Variants in PRKG1 observed in about 807,000 individuals in gnomAD.
PRKG1 encodes cGMP-dependent protein kinase 1.
A neutral mutation model predicts 88.1 loss-of-function variants in PRKG1; 35 were observed. The observed-to-expected ratio is 0.40, with a 90% CI of 0.30 to 0.53. PRKG1 has a LOEUF of 0.53. Ranked by LOEUF, PRKG1 falls within the 20% of genes least tolerant of loss-of-function variation. PRKG1 has a pLI of 0.59. For missense variants in PRKG1, 540 were observed against 839.8 expected, an observed-to-expected ratio of 0.64 and a Z score of 4.41; for synonymous variants, 303 against 292.5, an observed-to-expected ratio of 1.04 and a Z score of -0.37.
chr10:51,019,280 G>T (rs899171015), intron 1 of PRKG1, among the ~76,000 whole-genome samples: 1 of 152,122 alleles, frequency 6.6e-6, no homozygotes, highest in Non-Finnish European at 1.5e-5. Context: ...AAACAATGTG[G>T]TACTGGCATA....
rs535109358 is a variant in PRKG1 at position 52,074,208 on chromosome 10, G to T, written c.935+11577G>T. On this transcript the variant is annotated intron_variant, in intron 7 of 17. Coordinates refer to ENST00000373980, the MANE Select transcript of PRKG1 (RefSeq NM_006258.4). ...TAGTTTTAAGTAAGTTGGGAAATTG[G>T]TTTTTTAGAAAGCTTCTGTGAAATG... Among the ~76,000 whole-genome samples the T allele has an allele frequency of 2.6e-5, 4 of 152,230 alleles. No homozygotes were observed. The South Asian group carries it at 6.2e-4, about 24-fold the overall frequency.
chr10:51,109,549 C>T (rs1189209714), intron 1 of PRKG1, among the ~76,000 whole-genome samples: 1 of 152,092 alleles, frequency 6.6e-6, no homozygotes, highest in Non-Finnish European at 1.5e-5. Context: ...AAAATATAAA[C>T]CTTACCTCAC....
intron 4 of PRKG1, among the ~76,000 whole-genome samples, chr10:51,811,826 T>C (rs1432650550): frequency 6.6e-6 from 1 of 152,192 alleles, no homozygotes; most frequent in Non-Finnish European, 1.5e-5. Flanking sequence ...GTAATATCCA[T>C]TTTTAGTGAT....
intron 4 of PRKG1, 115 bp from the exon 5 acceptor site, chr10:51,907,392 C>G: frequency 5.8e-6 from 4 of 692,002 alleles, no homozygotes; most frequent in Admixed American, 7.9e-5. Context: ...TTTTTTTTGG[C>G]AGATTCCTTG....
At chr10:51,752,225 G>A (rs1837745812) in intron 3 of PRKG1, among the ~76,000 whole-genome samples, 2 of 152,036 alleles carry the variant, frequency 1.3e-5, no homozygotes, top group South Asian at 4.1e-4. Context: ...TAGTACTTGT[G>A]TCACTTCTCT....
At chr10:51,962,140 A>G (rs1036331371) in intron 5 of PRKG1, among the ~76,000 whole-genome samples, 1 of 152,154 alleles carries the variant, frequency 6.6e-6, no homozygotes, top group African/African-American at 2.4e-5. Context: ...TGGTTGGGAG[A>G]GAAGGGTCAG....
At chr10:51,749,927 A>G (rs955353628) in intron 3 of PRKG1, among the ~76,000 whole-genome samples, 1 of 149,694 alleles carries the variant, frequency 6.7e-6, no homozygotes, top group African/African-American at 2.5e-5. Context: ...TGTATCTCTA[A>G]TAGTCTTTTT....
intron 4 of PRKG1, among the ~76,000 whole-genome samples, chr10:51,872,917 A>T (rs1564686928): frequency 6.6e-6 from 1 of 152,192 alleles, no homozygotes; most frequent in South Asian, 2.1e-4. Context: ...GATTTTAGGA[A>T]ATTAAAATAA....
intron 5 of PRKG1, among the ~76,000 whole-genome samples, chr10:51,989,325 G>A (rs1564741393): frequency 1.3e-5 from 2 of 152,024 alleles, no homozygotes; most frequent in Non-Finnish European, 2.9e-5. Context: ...GTTGCAAGGT[G>A]TTAGTAGACA....
At chr10:51,131,063 A>T (rs1029546009) in intron 1 of PRKG1, among the ~76,000 whole-genome samples, 10 of 152,356 alleles carry the variant, frequency 6.6e-5, no homozygotes, top group Admixed American at 3.3e-4. Flanking sequence ...AACAGTAAAT[A>T]GTCAAAGCAT....
intron 3 of PRKG1, among the ~76,000 whole-genome samples, chr10:51,523,576 A>G (rs1223584297): frequency 2.0e-5 from 3 of 152,304 alleles, no homozygotes; most frequent in African/African-American, 7.2e-5. Context: ...TTATAAAACT[A>G]GAAAGGATCA....
intron 2 of PRKG1, among the ~76,000 whole-genome samples, chr10:51,384,146 G>T (rs1259756375): frequency 1.3e-5 from 2 of 152,212 alleles, no homozygotes; most frequent in East Asian, 3.9e-4. Flanking sequence ...GACCAGAGAT[G>T]GGAATGAGAA....
intron 4 of PRKG1, among the ~76,000 whole-genome samples, chr10:51,850,928 T>C (rs569841989): frequency 6.6e-6 from 1 of 152,096 alleles, no homozygotes; most frequent in Non-Finnish European, 1.5e-5. Context: ...TCTGATAAGA[T>C]CCCAAATGCT....
At chr10:51,311,402 GCAC>G (rs1841182320) in intron 2 of PRKG1, among the ~76,000 whole-genome samples, 1 of 152,196 alleles carries the variant, frequency 6.6e-6, no homozygotes, top group Non-Finnish European at 1.5e-5. Context: ...ATGCCTGCTG[GCAC>G]TTAGATGGTG....
At chr10:51,484,316 G>A (rs1037872516) in intron 3 of PRKG1, among the ~76,000 whole-genome samples, 25 of 152,150 alleles carry the variant, frequency 1.6e-4, no homozygotes, top group African/African-American at 5.3e-4. Context: ...AAAGGCCATC[G>A]ACTTTCTTCC....
chr10:51,571,220 A>G (rs1366488770), intron 3 of PRKG1, among the ~76,000 whole-genome samples: 1 of 151,974 alleles, frequency 6.6e-6, no homozygotes, highest in Non-Finnish European at 1.5e-5. Flanking sequence ...GTTAGCTGCT[A>G]TTAATACAAT....
At chr10:51,575,937 A>T (rs1837874859) in intron 3 of PRKG1, among the ~76,000 whole-genome samples, 1 of 152,012 alleles carries the variant, frequency 6.6e-6, no homozygotes, top group South Asian at 2.1e-4. Context: ...AAGATAGATT[A>T]TATACAAATA....
intron 7 of PRKG1, among the ~76,000 whole-genome samples, chr10:52,082,546 C>A (rs1564461169): frequency 6.6e-6 from 1 of 152,110 alleles, no homozygotes; most frequent in Non-Finnish European, 1.5e-5. Context: ...TTGTCTCTGG[C>A]AAGCTGGTGT....
At chr10:51,143,857 T>C (rs570446823) in intron 1 of PRKG1, among the ~76,000 whole-genome samples, 2 of 152,222 alleles carry the variant, frequency 1.3e-5, no homozygotes, top group Admixed American at 1.3e-4. Flanking sequence ...GAGTTTCTTA[T>C]TTATTTTGGG....
Sources: allele counts gnomAD v4.1 joint callset (sites outside exome capture counted in the v4.1 genomes callset), GRCh38; gene constraint gnomAD v4.1.1; transcripts MANE v1.5; gene names NCBI Gene and HGNC (gene_info 2026-07-23, HGNC 2026-07-21).